Variants in GRIK1 observed in about 807,000 individuals in gnomAD.
The protein encoded by GRIK1 is glutamate ionotropic receptor kainate type subunit 1.
Under a neutral mutation model 105.7 loss-of-function variants are expected in GRIK1, and 69 were observed. The ratio of observed to expected loss-of-function variants is 0.65; its 90% CI spans 0.54 to 0.80. The LOEUF (loss-of-function observed/expected upper bound fraction) is 0.80, where lower values mean the gene tolerates loss of function less well. Among genes scored for constraint, GRIK1 ranks in the 30% least tolerant of loss-of-function variants. The probability of loss-of-function intolerance (pLI) is 0.00; values close to 1 mark genes in which losing one functional copy is unlikely to be tolerated. For missense variants in GRIK1, 1,109 were observed against 1,167.3 expected (o/e 0.95, Z 0.73); for synonymous variants, 438 against 431.3 (o/e 1.02, Z -0.19).
chr21:29,559,357 G>GGTATA (rs2146147214), intron 15 of GRIK1, among the ~76,000 whole-genome samples: 1 of 152,264 alleles, frequency 6.6e-6, no homozygotes, highest in African/African-American at 2.4e-5. Flanking sequence ...GTCAAAAAGA[G>GGTATA]GTATAATATC....
chr21:29,626,910 T>C (rs1230220056), intron 7 of GRIK1, among the ~76,000 whole-genome samples: 2 of 152,232 alleles, frequency 1.3e-5, no homozygotes, highest in African/African-American at 4.8e-5. Flanking sequence ...ATGTTGCATG[T>C]TGAAATGGTG....
chr21:29,747,200 TTA>T (rs2065068358), intron 1 of GRIK1, among the ~76,000 whole-genome samples: 3 of 152,212 alleles, frequency 2.0e-5, no homozygotes, highest in African/African-American at 7.2e-5. Context: ...CCTGAATGTA[TTA>T]GAGTACTAAG....
chr21:29,604,858 AAAAT>A (rs1470570805), intron 7 of GRIK1, among the ~76,000 whole-genome samples: 6 of 152,210 alleles, frequency 3.9e-5, no homozygotes, highest in African/African-American at 1.4e-4. Flanking sequence ...TAAAAGAAGA[AAAAT>A]AAAAGGTTTC....
intron 1 of GRIK1, among the ~76,000 whole-genome samples, chr21:29,826,793 G>T (rs1463267371): frequency 6.6e-6 from 1 of 152,102 alleles, no homozygotes; most frequent in Non-Finnish European, 1.5e-5. Context: ...AACACTAACA[G>T]AGGGTTACTC....
At chr21:29,781,663 T>TC (rs1245392658) in intron 1 of GRIK1, among the ~76,000 whole-genome samples, 1 of 118,556 alleles carries the variant, frequency 8.4e-6, no homozygotes, top group Non-Finnish European at 1.9e-5. Context: ...GTTTCTTTTT[T>TC]TTTTTTTTTT....
At chr21:29,811,897 G>A (rs1342326425) in intron 1 of GRIK1, among the ~76,000 whole-genome samples, 1 of 152,036 alleles carries the variant, frequency 6.6e-6, no homozygotes, top group Admixed American at 6.6e-5. Flanking sequence ...TCCTTACCTG[G>A]AAACCTCTTT....
chr21:29,553,377 CAT>C (rs2090169673), intron 16 of GRIK1: 1 of 1,245,496 alleles, frequency 8.0e-7, no homozygotes, highest in Non-Finnish European at 1.0e-6. Flanking sequence ...CCTGCTTCAA[CAT>C]ACAGTGCAAG....
intron 1 of GRIK1, among the ~76,000 whole-genome samples, chr21:29,905,414 A>T (rs2070576359): frequency 1.4e-5 from 2 of 139,216 alleles, no homozygotes; most frequent in Admixed American, 7.2e-5. Flanking sequence ...ATTTTTAAAA[A>T]TTTTTATATT....
chr21:29,549,829 G>C lies in GRIK1; in HGVS notation c.2607+5223C>G, dbSNP rs146848424. On this transcript the variant is annotated intron_variant, in intron 16 of 17. Transcript: ENST00000327783. ...AGGGAGAAAGAGAAGAGTGTGGGCT[G>C]GGCGCGGAGGCTTATGGCTGTAATC... Among the ~76,000 whole-genome samples the C allele has an allele frequency of 7.2e-5, 11 of 152,192 alleles. No individual in the cohort carries two copies. In the East Asian group the frequency reaches 2.1e-3, roughly 29 times the overall value.
chr21:29,910,252 G>C (rs1357569825), intron 1 of GRIK1, among the ~76,000 whole-genome samples: 1 of 151,938 alleles, frequency 6.6e-6, no homozygotes. Context: ...AAAGACCTTC[G>C]AATAAATTCT....
At chr21:29,671,677 C>G (rs775716822) in intron 4 of GRIK1, among the ~76,000 whole-genome samples, 1 of 152,196 alleles carries the variant, frequency 6.6e-6, no homozygotes, top group Non-Finnish European at 1.5e-5. Flanking sequence ...CAATCAACAA[C>G]ATAGCAACCC....
intron 1 of GRIK1, among the ~76,000 whole-genome samples, chr21:29,727,205 C>A (rs2064491242): frequency 6.6e-6 from 1 of 152,130 alleles, no homozygotes; most frequent in African/African-American, 2.4e-5. Flanking sequence ...GGATTACAGG[C>A]ATGAGCTACC....
At chr21:29,863,524 A>G (rs1250500765) in intron 1 of GRIK1, among the ~76,000 whole-genome samples, 1 of 152,188 alleles carries the variant, frequency 6.6e-6, no homozygotes, top group Non-Finnish European at 1.5e-5. Flanking sequence ...TGGCATTTAG[A>G]CACTTTAAAA....
At chr21:29,553,250 T>C in intron 16 of GRIK1, 1 of 1,007,542 alleles carries the variant, frequency 9.9e-7, no homozygotes, top group Non-Finnish European at 1.2e-6. Context: ...ATCTCCTTTT[T>C]CATGAAGGAA....
Position 29,939,616 on chromosome 21 carries a change from G to C in GRIK1, c.-116C>G, listed in dbSNP as rs996876773. ...CTCTGGATGCTCCGGTTCCAAGCACGCTGCGCGCTCCCCACGGAGCGAGCT... is the reference window on the plus strand; with the variant it reads ...CTCTGGATGCTCCGGTTCCAAGCACCCTGCGCGCTCCCCACGGAGCGAGCT... On this transcript the variant is annotated 5_prime_UTR_variant, in exon 1 of 18. Coordinates refer to ENST00000327783, the MANE Select transcript of GRIK1 (RefSeq NM_001330994.2). The C allele has an allele frequency of 4.8e-6, 3 of 631,538 alleles. No homozygotes were observed. The highest frequency in any genetic ancestry group is 7.9e-6 in the Non-Finnish European group (3 of 379,272). The allele number at this position is 631,538 out of a possible 1,614,324, so 39.1% of individuals were successfully genotyped here.
In GRIK1 at chr21:29,689,747, C is replaced by A. The variant is rs771129301; in HGVS notation, c.525G>T (p.Val175=). ...VLYYNWKTVT[V]VYEDSTGLIR... is the part of the protein sequence containing the mutation. ...CCATACCTGTGCTGTCTTCATACAC[C>A]ACTGTCACTGTTTTCCAGTTGTAAT... Residue 175 remains valine (V), a synonymous_variant, in exon 3 of 18, where the codon GTG becomes GTT. Coordinates refer to ENST00000327783, the MANE Select transcript of GRIK1 (RefSeq NM_001330994.2). 7 of 1,613,808 alleles carry A rather than the reference C, an allele frequency of 4.3e-6. No individual in the cohort carries two copies. Among genetic ancestry groups the A allele is most frequent in the Non-Finnish European group, 5.9e-6 (7 of 1,179,890 alleles).
rs1569154413 is a variant in GRIK1 at position 29,846,447 on chromosome 21, A to G, written c.118+92936T>C. On this transcript the variant is annotated intron_variant, in intron 1 of 17. Transcript: ENST00000327783. ...AAAAAAATAAAGAAGGAAAGAAGGA[A>G]AGAAGGAAAGAGAGAGAGAAAGAAA... Among the ~76,000 whole-genome samples the G allele has an allele frequency of 4.0e-5, 5 of 123,578 alleles. No individual in the cohort carries two copies. The South Asian group carries it at 8.2e-4, about 20-fold the overall frequency. The allele number at this position is 123,578 out of a possible 152,430, so 81.1% of individuals were successfully genotyped here.
chr21:29,758,387 T>C (rs2065407276), intron 1 of GRIK1, among the ~76,000 whole-genome samples: 1 of 152,076 alleles, frequency 6.6e-6, no homozygotes, highest in Non-Finnish European at 1.5e-5. Flanking sequence ...TCTTCCATGG[T>C]GGTGGGTAAG....
intron 1 of GRIK1, among the ~76,000 whole-genome samples, chr21:29,700,785 C>T (rs1208020660): frequency 6.6e-6 from 1 of 152,068 alleles, no homozygotes; most frequent in African/African-American, 2.4e-5. Context: ...CTAGATTAAG[C>T]CTGTGCTGAG....
Sources: gnomAD v4.1 joint callset for allele counts (sites outside exome capture counted in the v4.1 genomes callset) on GRCh38, gnomAD v4.1.1 for gene constraint, MANE v1.5 for transcripts, NCBI Gene and HGNC (gene_info 2026-07-23, HGNC 2026-07-21) for gene names.